SKAP1: variants seen among roughly 807,000 people sequenced by gnomAD.
SKAP1 encodes src kinase-associated phosphoprotein 1.
Under a neutral mutation model 58.5 loss-of-function variants are expected in SKAP1, and 44 were observed. The ratio of observed to expected loss-of-function variants is 0.75; its 90% CI spans 0.59 to 0.97. SKAP1 has a LOEUF of 0.97. Among genes scored for constraint, SKAP1 ranks in the 50% least tolerant of loss-of-function variants. SKAP1 has a pLI of 0.00. For synonymous variants in SKAP1, 127 were observed against 149.7 expected (o/e 0.85, Z 1.11); for missense variants, 390 against 435.2 (o/e 0.90, Z 0.92).
the SKAP1 span, among the ~76,000 whole-genome samples, chr17:48,437,336 C>T: frequency 0.016 from 2,433 of 152,332 alleles, 33 homozygotes; most frequent in Non-Finnish European, 0.025. Context: ...CTGGGCAAAG[C>T]TCCATGAGCC....
chr17:48,209,574 G>T (rs554078003), intron 4 of SKAP1, among the ~76,000 whole-genome samples: 1 of 152,138 alleles, frequency 6.6e-6, no homozygotes, highest in Non-Finnish European at 1.5e-5. Context: ...TCTAAGGTTG[G>T]ATTCCATGTA....
chr17:48,357,325 T>C (rs1306534788), intron 3 of SKAP1, among the ~76,000 whole-genome samples: 8 of 152,258 alleles, frequency 5.3e-5, no homozygotes, highest in Admixed American at 3.3e-4. Context: ...AAAGTGAGTC[T>C]TTTTGTTAAA....
At chr17:48,300,990 T>C (rs2144127251) in intron 4 of SKAP1, among the ~76,000 whole-genome samples, 1 of 152,316 alleles carries the variant, frequency 6.6e-6, no homozygotes, top group Non-Finnish European at 1.5e-5. Flanking sequence ...CTGACCCATT[T>C]CTACCTTTCC....
At chr17:48,399,371 C>T (rs1489442109) in intron 1 of SKAP1, among the ~76,000 whole-genome samples, 5 of 152,136 alleles carry the variant, frequency 3.3e-5, no homozygotes, top group Admixed American at 2.0e-4. Context: ...AACAGCCTTT[C>T]GTGATAAAAA....
At chr17:48,381,669 A>G (rs1323208710) in intron 2 of SKAP1, among the ~76,000 whole-genome samples, 2 of 152,184 alleles carry the variant, frequency 1.3e-5, no homozygotes, top group East Asian at 1.9e-4. Context: ...TATCTTTCCC[A>G]TGAGGTTATA....
At chr17:48,359,016 A>G (rs1017470513) in intron 3 of SKAP1, among the ~76,000 whole-genome samples, 1 of 152,162 alleles carries the variant, frequency 6.6e-6, no homozygotes, top group African/African-American at 2.4e-5. Context: ...TCACTATTCT[A>G]TGTACTTTAT....
intron 4 of SKAP1, among the ~76,000 whole-genome samples, chr17:48,277,377 C>T (rs113055506): frequency 2.6e-5 from 4 of 152,222 alleles, no homozygotes; most frequent in African/African-American, 4.8e-5. Context: ...CTGTCATTTG[C>T]GGATAGTCTA....
intron 2 of SKAP1, among the ~76,000 whole-genome samples, chr17:48,368,430 A>G (rs982495523): frequency 3.9e-5 from 6 of 152,254 alleles, no homozygotes; most frequent in African/African-American, 1.4e-4. Flanking sequence ...AAACCAAAAT[A>G]CAAAGACCAC....
At chr17:48,313,836 C>T (rs12452234) in intron 4 of SKAP1, among the ~76,000 whole-genome samples, 51,356 of 151,934 alleles carry the variant, frequency 0.34, 9,450 homozygotes, top group African/African-American at 0.48. Flanking sequence ...GGGCTCTGTA[C>T]TTTTTAAAGG....
chr17:48,213,203 G>A (rs1370197394), intron 4 of SKAP1, among the ~76,000 whole-genome samples: 1 of 152,026 alleles, frequency 6.6e-6, no homozygotes, highest in African/African-American at 2.4e-5. Flanking sequence ...TTAGCCGGGT[G>A]TGGTGGCAGG....
chr17:48,165,933 A>G (rs1436696131), intron 10 of SKAP1, among the ~76,000 whole-genome samples: 1 of 152,248 alleles, frequency 6.6e-6, no homozygotes, highest in Non-Finnish European at 1.5e-5. Context: ...ATGAAAAACA[A>G]AAGAATAAAG....
chr17:48,424,360 G>C (rs2067831375), intron 1 of SKAP1, among the ~76,000 whole-genome samples: 1 of 151,384 alleles, frequency 6.6e-6, no homozygotes, highest in African/African-American at 2.4e-5. Context: ...CGAGTAGCTG[G>C]GACTACAGGC....
intron 10 of SKAP1, among the ~76,000 whole-genome samples, chr17:48,163,040 C>T (rs1214262088): frequency 6.6e-6 from 1 of 152,162 alleles, no homozygotes; most frequent in Non-Finnish European, 1.5e-5. Context: ...GCTCACTTTT[C>T]GGCCTTCTTT....
Position 48,341,028 on chromosome 17 carries a change from T to C in SKAP1, c.280+4877A>G, listed in dbSNP as rs534271115. Reference sequence around the variant, plus strand: ...TATTCCCTCATGTGGATTAGATGTGTCATCCTTGGTCAAGTCAATTAATTT... The same window carrying C: ...TATTCCCTCATGTGGATTAGATGTGCCATCCTTGGTCAAGTCAATTAATTT... On this transcript the variant is annotated intron_variant, in intron 4 of 12. Transcript: ENST00000336915. Among the ~76,000 whole-genome samples, 5 of 152,364 alleles carry C rather than the reference T, an allele frequency of 3.3e-5. No individual in the cohort carries two copies. In the East Asian group the frequency reaches 9.6e-4, roughly 29 times the overall value.
At chr17:48,172,445 A>C (rs1050810507) in intron 9 of SKAP1, among the ~76,000 whole-genome samples, 1 of 152,208 alleles carries the variant, frequency 6.6e-6, no homozygotes, top group African/African-American at 2.4e-5. Flanking sequence ...TATAATGTAA[A>C]TATGTGTACC....
intron 2 of SKAP1, among the ~76,000 whole-genome samples, chr17:48,365,407 G>A (rs2066989507): frequency 6.6e-6 from 1 of 152,142 alleles, no homozygotes; most frequent in South Asian, 2.1e-4. Flanking sequence ...ATTTCCTCCT[G>A]CCTTCACAGG....
Position 48,411,398 on chromosome 17 carries a change from C to CAAATAAATAAATAAATAAAT in SKAP1, c.47-14633_47-14614dup, listed in dbSNP as rs55868728. Among the ~76,000 whole-genome samples, 1,018 of 147,280 alleles carry CAAATAAATAAATAAATAAAT rather than the reference C, an allele frequency of 6.9e-3. 7 individuals are homozygous for CAAATAAATAAATAAATAAAT. Among genetic ancestry groups the CAAATAAATAAATAAATAAAT allele is most frequent in the East Asian group, 0.021 (105 of 4,956 alleles). The stretch of plus-strand genomic sequence containing the variant: ...TGGGTGGTAGAGCCAGATTCCATCT[C>CAAATAAATAAATAAATAAAT]AAATAAATAAATAAATAAATAAATA... On this transcript the variant is annotated intron_variant, in intron 1 of 12. Coordinates refer to ENST00000336915, the MANE Select transcript of SKAP1 (RefSeq NM_003726.4).
At chr17:48,435,560 C>A in the SKAP1 span, among the ~76,000 whole-genome samples, 1 of 152,160 alleles carries the variant, frequency 6.6e-6, no homozygotes, top group Non-Finnish European at 1.5e-5. Flanking sequence ...AAGAAATAGT[C>A]TTTTCTTCTG....
chr17:48,198,681 G>C (rs1344029754), intron 4 of SKAP1, among the ~76,000 whole-genome samples: 2 of 151,906 alleles, frequency 1.3e-5, no homozygotes, highest in African/African-American at 2.4e-5. Context: ...AAAAAATTGT[G>C]TTCCTTCAAA....
Sources: gnomAD v4.1 joint callset for allele counts (sites outside exome capture counted in the v4.1 genomes callset) on GRCh38, gnomAD v4.1.1 for gene constraint, MANE v1.5 for transcripts, NCBI Gene and HGNC (gene_info 2026-07-23, HGNC 2026-07-21) for gene names.